The following UCP3 variants were observed in gnomAD, a reference collection of about 807,000 sequenced individuals.
The protein encoded by UCP3 is putative mitochondrial transporter UCP3.
Under a neutral mutation model 28.1 loss-of-function variants are expected in UCP3, and 24 were observed. The observed-to-expected ratio is 0.85, with a 90% CI of 0.62 to 1.20. UCP3 has a LOEUF of 1.20. Among genes scored for constraint, UCP3 ranks in the 50% most tolerant of loss-of-function variants. UCP3 has a pLI of 0.00. For missense variants in UCP3, 397 were observed against 422.2 expected (o/e 0.94, Z 0.52); for synonymous variants, 184 against 171.2 (o/e 1.07, Z -0.59).
chr11:74,006,687 CA>C (rs1473279311), intron 2 of UCP3, among the ~76,000 whole-genome samples: 2 of 152,190 alleles, frequency 1.3e-5, no homozygotes, highest in Non-Finnish European at 2.9e-5. Flanking sequence ...GCATGCTTTA[CA>C]AAGTAGGGCC....
chr11:74,004,895 G>A (rs1336683478), intron 4 of UCP3, among the ~76,000 whole-genome samples: 1 of 152,148 alleles, frequency 6.6e-6, no homozygotes, highest in East Asian at 1.9e-4. Context: ...ATGCTTCCTG[G>A]AGACCCAGCT....
Position 74,006,288 on chromosome 11 carries a change from C to T in UCP3, c.218G>A (p.Gly73Asp), listed in dbSNP as rs773942980. 6.2e-7 allele frequency: 1 copy of T among 1,612,654 alleles called. No homozygotes were observed. Reference sequence around the variant, plus strand: ...CAGCCCATTGTAGGGGCTGCAGGGACCCTCAGTCCGCACCATGGTCAGGAT... The same window carrying T: ...CAGCCCATTGTAGGGGCTGCAGGGATCCTCAGTCCGCACCATGGTCAGGAT... Reference protein sequence around the residue: ...GTILTMVRTEGPCSPYNGLVA... With the variant: ...GTILTMVRTEDPCSPYNGLVA... The change falls in exon 3 of 7, where the codon GGT becomes GAT. Residue 73 changes from glycine (G) to aspartate (D), a missense_variant. Gly to Asp is a moderately conservative substitution (Grantham distance 94). Coordinates refer to ENST00000314032, the MANE Select transcript of UCP3 (RefSeq NM_003356.4).
intron 4 of UCP3, among the ~76,000 whole-genome samples, chr11:74,004,862 G>A (rs182421337): frequency 1.3e-4 from 20 of 152,326 alleles, no homozygotes; most frequent in African/African-American, 4.6e-4. Context: ...AGGGTGATCT[G>A]CAATAGCTGT....
Position 74,006,397 on chromosome 11 carries a change from G to T in UCP3, c.127-18C>A, listed in dbSNP as rs776490565. 4 of 1,533,924 alleles carry T rather than the reference G, an allele frequency of 2.6e-6. No homozygotes were observed. Among genetic ancestry groups the T allele is most frequent in the Non-Finnish European group, 2.6e-6 (3 of 1,144,952 alleles). ...CCCTGGATCTGAGGGACAATAGCAGGGGGTGAGGACTCAGATGGGAAGGCA... is the reference window on the plus strand; with the variant it reads ...CCCTGGATCTGAGGGACAATAGCAGTGGGTGAGGACTCAGATGGGAAGGCA... On this transcript the variant is annotated intron_variant, in intron 2 of 6. Transcript: ENST00000314032.
At chr11:74,004,617 A>T in intron 4 of UCP3, 32 bp from the exon 5 acceptor site, 29 of 1,484,332 alleles carry the variant, frequency 2.0e-5, no homozygotes, top group Non-Finnish European at 2.6e-5. Context: ...GGGATGTGAA[A>T]TGGGTGGGGA....
At position 74,006,192 on chromosome 11, in the gene UCP3, A is replaced by G. The variant is rs1473807233; in HGVS notation, c.314T>C (p.Val105Ala). ...RIGLYDSVKQ[V>A]YTPKGADNSS... ...ACTGTCCGCGCCTTTGGGGGTGTAC[A>G]CCTGCTTGACGGAGTCATAGAGGCC... Residue 105 changes from valine (V) to alanine (A), a missense_variant, in exon 3 of 7, where the codon GTG becomes GCG. By Grantham distance (64) the Val-to-Ala change is moderately conservative (BLOSUM62 0). Coordinates refer to ENST00000314032, the MANE Select transcript of UCP3 (RefSeq NM_003356.4). The G allele has an allele frequency of 6.2e-7, 1 of 1,614,118 alleles. No individual in the cohort carries two copies. Among genetic ancestry groups the G allele is most frequent in the Admixed American group, 1.7e-5 (1 of 60,022 alleles).
chr11:74,005,595 C>T (rs1951657629), intron 4 of UCP3, 135 bp downstream of exon 4: 3 of 1,036,988 alleles, frequency 2.9e-6, no homozygotes, highest in South Asian at 1.3e-5. Flanking sequence ...AGTGAAGTAT[C>T]TTTGGTTGTG....
chr11:74,001,675 CTTTTT>C, intron 6 of UCP3, 149 bp from the exon 7 acceptor site: 1 of 607,034 alleles, frequency 1.6e-6, no homozygotes, highest in South Asian at 2.0e-5. Flanking sequence ...CTCTCTCTCT[CTTTTT>C]TTTTTCTGCT....
At position 74,003,880 on chromosome 11, in the gene UCP3, G is replaced by GA. The variant is rs1461892260; in HGVS notation, c.770dup (p.Asp258ArgfsTer38). The GA allele has an allele frequency of 6.2e-7, 1 of 1,613,962 alleles. No individual in the cohort carries two copies. The highest frequency in any genetic ancestry group is 8.5e-7 in the Non-Finnish European group (1 of 1,180,018). ...GGGCCACCATCTTTATCATACAGTC[G>GA]AGGGGGCTGAAGTACTGGCCTGGAG... On this transcript the variant is annotated frameshift_variant, in exon 6 of 7. Coordinates refer to ENST00000314032, the MANE Select transcript of UCP3 (RefSeq NM_003356.4). LOFTEE classifies it high-confidence loss of function.
rs1447281336 is a variant in UCP3, at chr11:74,005,590, A to G, written c.541+140T>C. Reference sequence around the variant, plus strand: ...TTGAGGGGCTGTGGCAGGTCAGTGAAGTATCTTTGGTTGTGATGTTCTTTC... The same window carrying G: ...TTGAGGGGCTGTGGCAGGTCAGTGAGGTATCTTTGGTTGTGATGTTCTTTC... On this transcript the variant is annotated intron_variant, in intron 4 of 6. Transcript: ENST00000314032. 14 of 982,416 alleles carry G rather than the reference A, an allele frequency of 1.4e-5. 1 individual carries two copies. The East Asian group carries it at 2.8e-4, about 20-fold the overall frequency. The allele number at this position is 982,416 out of a possible 1,614,324, so 60.9% of individuals were successfully genotyped here. A position where few individuals can be genotyped will look rare whatever the true frequency, so the allele number is the denominator to read the frequency against.
At chr11:74,006,126 A>G (rs1484861743) in intron 3 of UCP3, 43 bp downstream of exon 3, 4 of 1,609,816 alleles carry the variant, frequency 2.5e-6, no homozygotes, top group Non-Finnish European at 2.5e-6. Context: ...TGACCCACAC[A>G]CTTTCAGCCA....
intron 6 of UCP3, chr11:74,001,761 T>A: frequency 2.0e-6 from 1 of 502,500 alleles, no homozygotes; most frequent in Admixed American, 3.3e-5. Context: ...GGTTACTGTG[T>A]TAGGCAGCGA....
At chr11:74,001,886 C>T (rs1440879199) in intron 6 of UCP3, 5 of 310,414 alleles carry the variant, frequency 1.6e-5, no homozygotes, top group Admixed American at 4.7e-5. Context: ...GTCAGAGGTG[C>T]GGTTCTAACT....
chr11:74,004,418 C>G, intron 5 of UCP3, 66 bp downstream of exon 5: 1 of 1,490,658 alleles, frequency 6.7e-7, no homozygotes, highest in Non-Finnish European at 9.3e-7. Context: ...GTGGTGCCCA[C>G]TCCACGGAGT....
Position 74,008,186 on chromosome 11 carries a change from G to A in UCP3, c.-96+792C>T, listed in dbSNP as rs566488211. The stretch of plus-strand genomic sequence containing the variant: ...CAGCTGAAGTGCTGGAGCTGAGATT[G>A]GTGCCCACGTTTGTCTGACATCTGA... On this transcript the variant is annotated intron_variant, in intron 1 of 6. Coordinates refer to ENST00000314032, the MANE Select transcript of UCP3 (RefSeq NM_003356.4). Among the ~76,000 whole-genome samples, 70 of 152,304 alleles carry A rather than the reference G, an allele frequency of 4.6e-4. 1 individual carries two copies. The highest frequency in any genetic ancestry group is 1.6e-3 in the African/African-American group (67 of 41,554).
intron 2 of UCP3, 138 bp from the exon 3 acceptor site, chr11:74,006,517 G>A: frequency 2.3e-6 from 2 of 872,902 alleles, no homozygotes; most frequent in Non-Finnish European, 3.4e-6. Context: ...AATCACTGGT[G>A]TCTGCGCAGC....
chr11:74,006,065 G>A, intron 3 of UCP3, 104 bp downstream of exon 3: 1 of 1,564,012 alleles, frequency 6.4e-7, no homozygotes. Flanking sequence ...TCCGGTACCA[G>A]CTTCCCCCCG....
intron 2 of UCP3, among the ~76,000 whole-genome samples, 176 bp downstream of exon 2, chr11:74,006,741 T>G (rs17132562): frequency 0.019 from 2,851 of 152,246 alleles, 88 homozygotes; most frequent in African/African-American, 0.065. Flanking sequence ...AGAATTTAGA[T>G]TTTTTTGTCC....
In UCP3 at chr11:74,004,534, A is replaced by G; in HGVS notation, c.593T>C (p.Val198Ala). Residue 198 changes from valine to alanine, a missense_variant, in exon 5 of 7, where the codon GTG becomes GCG. Physicochemically the swap from Val to Ala is moderately conservative, Grantham distance 64. Transcript: ENST00000314032. ...RNAIVNCAEV[V>A]TYDILKEKLL... ...CTTCTCCTTGAGGATGTCGTAGGTC[A>G]CCACCTCAGCACAGTTGACGATAGC... 6.2e-7 allele frequency: 1 copy of G among 1,614,030 alleles called. No individual in the cohort carries two copies. The highest frequency in any genetic ancestry group is 1.3e-5 in the African/African-American group (1 of 75,038).
Sources: gnomAD v4.1 joint callset for allele counts (sites outside exome capture counted in the v4.1 genomes callset) on GRCh38, gnomAD v4.1.1 for gene constraint, MANE v1.5 for transcripts, NCBI Gene and HGNC (gene_info 2026-07-23, HGNC 2026-07-21) for gene names.